Variants in TRPM8 observed in about 807,000 individuals in gnomAD.
The protein encoded by TRPM8 is TRPM8 cationic channel.
A neutral mutation model predicts 133.7 loss-of-function variants in TRPM8; 110 were observed. The ratio of observed to expected loss-of-function variants is 0.82; its 90% CI spans 0.70 to 0.96. TRPM8 has a LOEUF of 0.96. TRPM8 is among the 40% of genes least tolerant of loss of function. The pLI is 0.00. For synonymous variants in TRPM8, 535 were observed against 532.3 expected (o/e 1.01, Z -0.07); for missense variants, 1,291 against 1,379.5 (o/e 0.94, Z 1.02).
intron 14 of TRPM8, chr2:233,965,883 T>C (rs1204688738): frequency 2.0e-5 from 3 of 151,576 alleles, no homozygotes; most frequent in African/African-American, 7.3e-5. Context: ...AGTTTCGCTC[T>C]TGTTGCCCAG....
rs1574767297 is a variant in TRPM8 at position 233,989,532 on chromosome 2, A to G, written c.2939+3667A>G. On this transcript the variant is annotated intron_variant, in intron 21 of 25. Transcript: ENST00000324695. This position sits in a 1 kb window ranked among gnomAD's most constrained non-coding sequence, Gnocchi z 4.2. ...GACGCCGTGTTGTTATCCTTAGGTT[A>G]AATCCTTGGAACACTGTTTCTGATC... 6.6e-6 allele frequency among the ~76,000 whole-genome samples: 1 copy of G among 152,330 alleles called. No individual in the cohort carries two copies. Among genetic ancestry groups the G allele is most frequent in the Non-Finnish European group, 1.5e-5 (1 of 68,022 alleles).
rs1559516117 is a variant in TRPM8 at position 233,927,775 on chromosome 2, TTTCTTTCTTTCTTTCTTTTCTTTCC to T, written c.117+1125_117+1149del. Among the ~76,000 whole-genome samples, 180 of 52,116 alleles carry T rather than the reference TTTCTTTCTTTCTTTCTTTTCTTTCC, an allele frequency of 3.5e-3. 19 individuals are homozygous for T. Among genetic ancestry groups the T allele is most frequent in the African/African-American group, 0.029 (119 of 4,132 alleles). 34.2% of individuals were successfully genotyped at this position (52,116 alleles called of 152,430 possible). A position where few individuals can be genotyped will look rare whatever the true frequency, so the allele number is the denominator to read the frequency against. ...CTTTCTTTCTTTCTTTCTTTCTTTCTTTCTTTCTTTCTTTCTTTTCTTTCCTTCCTTCCTTCCTTCCTTCCTTCCT... is the reference window on the plus strand; with the variant it reads ...CTTTCTTTCTTTCTTTCTTTCTTTCTTTCCTTCCTTCCTTCCTTCCTTCCT... On this transcript the variant is annotated intron_variant, in intron 2 of 25. Transcript: ENST00000324695.
At chr2:233,967,003 A>G (rs896939980) in intron 15 of TRPM8, among the ~76,000 whole-genome samples, 3 of 152,188 alleles carry the variant, frequency 2.0e-5, no homozygotes, top group Non-Finnish European at 2.9e-5. Context: ...CAGCATCATA[A>G]TTATGAGCTG....
At chr2:234,002,548 C>A (rs992587872) in intron 22 of TRPM8, among the ~76,000 whole-genome samples, 2 of 152,148 alleles carry the variant, frequency 1.3e-5, no homozygotes, top group African/African-American at 4.8e-5. Flanking sequence ...TGTGGGGAGA[C>A]CCACAGATCA....
intron 3 of TRPM8, among the ~76,000 whole-genome samples, chr2:233,934,630 G>A (rs1691753122): frequency 6.6e-6 from 1 of 152,208 alleles, no homozygotes; most frequent in Non-Finnish European, 1.5e-5. Flanking sequence ...GAGGATTGCT[G>A]CTGAGAAGCA....
intron 17 of TRPM8, among the ~76,000 whole-genome samples, chr2:233,976,727 C>T (rs1691882687): frequency 6.6e-6 from 1 of 152,150 alleles, no homozygotes; most frequent in Non-Finnish European, 1.5e-5. Context: ...GCACCCTGTG[C>T]TTAGGGTCAG....
At chr2:233,979,301 A>G (rs928652772) in intron 17 of TRPM8, among the ~76,000 whole-genome samples, 17 of 152,192 alleles carry the variant, frequency 1.1e-4, no homozygotes, top group African/African-American at 4.1e-4. Flanking sequence ...CATGTTTAAC[A>G]TCTGTCTTTC....
chr2:233,944,077 C>A (rs1332632604), intron 6 of TRPM8, among the ~76,000 whole-genome samples: 1 of 152,016 alleles, frequency 6.6e-6, no homozygotes, highest in African/African-American at 2.4e-5. Context: ...TTTCTAGCTG[C>A]ATAGTCTGGA....
At chr2:233,943,653 A>G (rs1460828586) in intron 6 of TRPM8, among the ~76,000 whole-genome samples, 1 of 152,182 alleles carries the variant, frequency 6.6e-6, no homozygotes, top group Non-Finnish European at 1.5e-5. Flanking sequence ...TCCTGTGAAC[A>G]TTTTTAGAGA....
rs747956789 is a variant in TRPM8 at position 233,969,815 on chromosome 2, C to A, written c.2138+8C>A. 19 of 1,537,418 alleles carry A rather than the reference C, an allele frequency of 1.2e-5. No individual in the cohort carries two copies. In the South Asian group the frequency reaches 1.8e-4, roughly 14 times the overall value. On this transcript the variant is annotated splice_region_variant and intron_variant, in intron 16 of 25. Transcript: ENST00000324695. ...TGGCTTTGTATCATTTAGGTACAAA[C>A]CAAGGCACATAATCGTGTGTGAGTG...
intron 17 of TRPM8, among the ~76,000 whole-genome samples, chr2:233,972,760 C>T (rs1691762879): frequency 6.6e-6 from 1 of 152,198 alleles, no homozygotes; most frequent in Admixed American, 6.5e-5. Context: ...CGGCTGCTCC[C>T]AGTGCGGGGC....
At chr2:233,939,825 T>G (rs767752393) in intron 5 of TRPM8, among the ~76,000 whole-genome samples, 1 of 152,178 alleles carries the variant, frequency 6.6e-6, no homozygotes, top group Non-Finnish European at 1.5e-5. Context: ...TGAAAGCAGG[T>G]TGCAGGAATC....
Position 233,950,012 on chromosome 2 carries a change from G to A in TRPM8, c.1006G>A (p.Ala336Thr), listed in dbSNP as rs200708894. ...GGTGGTGGAAGGCTCGGGCCAGATC[G>A]CTGATGTGATCGCTAGCCTGGTGGA... ...CVVVEGSGQI[A>T]DVIASLVEVE... is the part of the protein sequence containing the mutation. The change falls in exon 9 of 26, where the codon GCT becomes ACT. Residue 336 changes from alanine to threonine, a missense_variant. Physicochemically the swap from Ala to Thr is moderately conservative, Grantham distance 58 (BLOSUM62 0). Around this residue, in one of 2 missense-constraint regions of TRPM8, gnomAD observed 963 missense variants for 968.9 expected, o/e 0.99. Transcript: ENST00000324695. 1.2e-5 allele frequency: 20 copies of A among 1,614,174 alleles called. No individual in the cohort carries two copies. The highest frequency in any genetic ancestry group is 1.7e-5 in the Admixed American group (1 of 60,030).
Position 233,939,142 on chromosome 2 carries a change from T to C in TRPM8, c.493T>C (p.Phe165Leu), listed in dbSNP as rs1467179793. 6.2e-7 allele frequency: 1 copy of C among 1,614,010 alleles called. No individual in the cohort carries two copies. Among genetic ancestry groups the C allele is most frequent in the Non-Finnish European group, 8.5e-7 (1 of 1,180,040 alleles). ...FALKPRMRKI[F>L]SRLIYIAQSK... ...CCTGAAGCCGCGCATGCGCAAGATC[T>C]TCAGCCGGCTCATCTACATCGCGCA... The change falls in exon 5 of 26, where the codon TTC becomes CTC. Residue 165 changes from phenylalanine to leucine, a missense_variant. Phe to Leu is a conservative substitution (Grantham distance 22). Transcript: ENST00000324695.
chr2:233,927,698 C>T (rs1691547214), intron 2 of TRPM8, among the ~76,000 whole-genome samples: 1 of 151,578 alleles, frequency 6.6e-6, no homozygotes, highest in South Asian at 2.1e-4. Context: ...CCCTGGAAGA[C>T]AGAGTCTGTC....
chr2:233,953,867 C>A, intron 9 of TRPM8, 50 bp from the exon 10 acceptor site: 2 of 1,433,422 alleles, frequency 1.4e-6, no homozygotes, highest in South Asian at 2.4e-5. Context: ...AGTTTATGCT[C>A]CTCATGCCTA....
chr2:233,979,344 T>C (rs1309321088), intron 17 of TRPM8, among the ~76,000 whole-genome samples: 1 of 152,208 alleles, frequency 6.6e-6, no homozygotes, highest in African/African-American at 2.4e-5. Flanking sequence ...AGAATTAGCA[T>C]TGCACCTAAT....
chr2:234,016,152 C>T (rs17864780), intron 25 of TRPM8, among the ~76,000 whole-genome samples: 85 of 152,018 alleles, frequency 5.6e-4, no homozygotes, highest in South Asian at 1.9e-3. Context: ...AATTAAGTAA[C>T]TGATGAATGA....
intron 24 of TRPM8, chr2:234,013,354 A>C (rs2125413643): frequency 6.6e-6 from 1 of 152,150 alleles, no homozygotes; most frequent in African/African-American, 2.4e-5. Flanking sequence ...TTCTTGATTC[A>C]GGTCTTTGTA....
Sources: gnomAD v4.1 joint callset for allele counts (sites outside exome capture counted in the v4.1 genomes callset) on GRCh38, gnomAD v4.1.1 for gene constraint, gnomAD v4.1.1 regional missense constraint, Gnocchi (gnomAD v3.1) non-coding constraint, MANE v1.5 for transcripts, NCBI Gene and HGNC (gene_info 2026-07-23, HGNC 2026-07-21) for gene names.